MMEL1: variants seen among roughly 807,000 people sequenced by gnomAD.
MMEL1 encodes the protein membrane metallo-endopeptidase-like 1.
MMEL1 carries 98 observed loss-of-function variants against 117.1 expected under a neutral mutation model. The ratio of observed to expected loss-of-function variants is 0.84; its 90% CI spans 0.71 to 0.99. The LOEUF is 0.99. MMEL1 is among the 50% of genes least tolerant of loss of function. The probability of loss-of-function intolerance (pLI) is 0.00; values close to 1 mark genes in which losing one functional copy is unlikely to be tolerated. For missense variants in MMEL1, 1,014 were observed against 1,049.1 expected, an observed-to-expected ratio of 0.97 and a Z score of 0.46; for synonymous variants, 390 against 415.1, an observed-to-expected ratio of 0.94 and a Z score of 0.74.
In MMEL1 at chr1:2,616,737, C is replaced by T. The variant is rs1570699291; in HGVS notation, c.155-4533G>A. Among the ~76,000 whole-genome samples the T allele has an allele frequency of 3.9e-5, 6 of 152,324 alleles. 1 individual carries two copies. Among genetic ancestry groups the T allele is most frequent in the Admixed American group, 3.9e-4 (6 of 15,296 alleles). On this transcript the variant is annotated intron_variant, in intron 2 of 23. Transcript: ENST00000378412. ...ACGGGAGACCTGGACCCAAACAGTG[C>T]CTCTGATTCATTTGTTTCCCATCTA...
In MMEL1 at chr1:2,611,287, T is replaced by C. The variant is rs1003547258; in HGVS notation, c.286A>G (p.Ile96Val). 6.3e-7 allele frequency: 1 copy of C among 1,579,778 alleles called. No homozygotes were observed. The highest frequency in any genetic ancestry group is 1.4e-5 in the African/African-American group (1 of 73,364). The change falls in exon 4 of 24, where the codon ATA becomes GTA. Residue 96 changes from isoleucine to valine, a missense_variant. By Grantham distance (29) the Ile-to-Val change is conservative. Transcript: ENST00000378412. ...GCAAGGGGGCGGGGCTTACCTGCTA[T>C]CACGCAGCCAGGGGTGGTGCAGACC... ...SEVCTTPGCV[I>V]AAARILQNMD...
Position 2,606,299 on chromosome 1 carries a change from G to T in MMEL1, c.699C>A (p.Ile233=), listed in dbSNP as rs781404046. The change falls in exon 8 of 24, where the codon ATC becomes ATA. Residue 233 remains isoleucine, a synonymous_variant. Transcript: ENST00000378412. ...GGTCGTCGTTCCAGATGAAGAGGTCGATGAGGACGCGCCTGTTGAACTGTG... is the reference window on the plus strand; with the variant it reads ...GGTCGTCGTTCCAGATGAAGAGGTCTATGAGGACGCGCCTGTTGAACTGTG... ...MNSQFNRRVL[I]DLFIWNDDQN... 47 of 1,613,024 alleles carry T rather than the reference G, an allele frequency of 2.9e-5. No individual in the cohort carries two copies. Among genetic ancestry groups the T allele is most frequent in the Non-Finnish European group, 3.9e-5 (46 of 1,179,978 alleles).
rs372567309 is a variant in MMEL1, at chr1:2,597,905, G to A, written c.1272+302C>T. ...ACTGGCACTGGCTGTTTCTGCTCCC[G>A]GGAAATCACCCCGCCGCCTCTTCAG... is the stretch of plus-strand genomic sequence containing the variant. On this transcript the variant is annotated intron_variant, in intron 13 of 23. Transcript: ENST00000378412. 1.1e-4 allele frequency among the ~76,000 whole-genome samples: 16 copies of A among 152,258 alleles called. No individual in the cohort carries two copies. In the East Asian group the frequency reaches 2.7e-3, roughly 26 times the overall value.
chr1:2,628,001 T>C (rs993571460), intron 2 of MMEL1, among the ~76,000 whole-genome samples: 2 of 152,214 alleles, frequency 1.3e-5, no homozygotes, highest in Non-Finnish European at 2.9e-5. Flanking sequence ...TCAGGCCCTT[T>C]GGCACGACCC....
chr1:2,600,631 A>C, intron 11 of MMEL1, among the ~76,000 whole-genome samples: 1 of 152,196 alleles, frequency 6.6e-6, no homozygotes, highest in Non-Finnish European at 1.5e-5. Context: ...GGCTGCAGTG[A>C]GCCATGACTG....
At chr1:2,628,885 G>A (rs1348441675) in intron 2 of MMEL1, among the ~76,000 whole-genome samples, 4 of 151,930 alleles carry the variant, frequency 2.6e-5, no homozygotes, top group Admixed American at 2.6e-4. Context: ...GGATGGCAGC[G>A]GGGGAGTGAG....
chr1:2,607,138 G>A, intron 6 of MMEL1, 69 bp from the exon 7 acceptor site: 1 of 1,431,970 alleles, frequency 7.0e-7, no homozygotes, highest in Non-Finnish European at 9.7e-7. Context: ...CAGAACTGTG[G>A]GGGCGCCGTT....
rs143848131 is a variant in MMEL1 at position 2,596,062 on chromosome 1, G to T, written c.1447C>A (p.Leu483Met). The part of the protein sequence containing the change: ...DKVRTVFVET[L>M]DELGWMDEES... ...TCGTCCATCCAGCCCAGCTCGTCCAGCGTCTCCACAAACACTGTCCGCACC... is the reference window on the plus strand; with the variant it reads ...TCGTCCATCCAGCCCAGCTCGTCCATCGTCTCCACAAACACTGTCCGCACC... The change falls in exon 15 of 24, where the codon CTG becomes ATG. Residue 483 changes from leucine (L) to methionine (M), a missense_variant. Transcript: ENST00000378412. 1 of 1,614,058 alleles carries T rather than the reference G, an allele frequency of 6.2e-7. No individual in the cohort carries two copies. Among genetic ancestry groups the T allele is most frequent in the Non-Finnish European group, 8.5e-7 (1 of 1,179,974 alleles).
chr1:2,598,770 G>A lies in MMEL1; in HGVS notation c.1062C>T (p.Phe354=), dbSNP rs1488251952. ...TGACAGAGGATAGCACAGTTTGTAT[G>A]AACAGAGTCCAGTTAAATCCCTGCA... ...FGLKGFNWTL[F]IQTVLSSVKI... Residue 354 remains phenylalanine (F), a synonymous_variant, in exon 12 of 24, where the codon TTC becomes TTT. Transcript: ENST00000378412. 1 of 1,613,956 alleles carries A rather than the reference G, an allele frequency of 6.2e-7. No homozygotes were observed. Among genetic ancestry groups the A allele is most frequent in the Admixed American group, 1.7e-5 (1 of 60,022 alleles).
chr1:2,626,061 AAATCTTCC>A (rs1397591080), intron 2 of MMEL1, among the ~76,000 whole-genome samples: 27 of 152,214 alleles, frequency 1.8e-4, no homozygotes, highest in Non-Finnish European at 2.6e-4. Flanking sequence ...CGGTGAAGGG[AAATCTTCC>A]CAGTGGGCAG....
chr1:2,618,481 AT>A (rs1472200662), intron 2 of MMEL1, among the ~76,000 whole-genome samples: 1 of 152,190 alleles, frequency 6.6e-6, no homozygotes, highest in African/African-American at 2.4e-5. Flanking sequence ...AATAATTTAC[AT>A]TTTTTTCTTT....
intron 19 of MMEL1, among the ~76,000 whole-genome samples, 182 bp downstream of exon 19, chr1:2,593,632 C>T (rs1046829247): frequency 6.6e-5 from 10 of 152,198 alleles, no homozygotes; most frequent in African/African-American, 2.4e-4. Context: ...GAGTCAGTGC[C>T]CCCAGACAGG....
intron 2 of MMEL1, among the ~76,000 whole-genome samples, chr1:2,621,839 G>A (rs1445073654): frequency 2.0e-5 from 3 of 152,156 alleles, no homozygotes; most frequent in Non-Finnish European, 2.9e-5. Context: ...TGGGATTACA[G>A]GTGTGAGCCA....
In MMEL1 at chr1:2,605,589, T is replaced by G. The variant is rs2100941893; in HGVS notation, c.785A>C (p.Glu262Ala). The change falls in exon 9 of 24, where the codon GAG becomes GCG. Residue 262 changes from glutamate to alanine, a missense_variant. Coordinates refer to ENST00000378412, the MANE Select transcript of MMEL1 (RefSeq NM_033467.4). ...DQPTLGMPSREYYFNGGSNRK... is the reference protein window; with the variant it reads ...DQPTLGMPSRAYYFNGGSNRK... ...GTTGCTGCCGCCGTTGAAGTAGTAC[T>G]CTCGGGAGGGCATGCCCAAGGTGGG... The G allele has an allele frequency of 6.2e-7, 1 of 1,613,008 alleles. No homozygotes were observed. The highest frequency in any genetic ancestry group is 1.7e-5 in the Admixed American group (1 of 59,986).
At chr1:2,598,446 A>G (rs960404223) in intron 12 of MMEL1, 146 bp from the exon 13 acceptor site, 1 of 1,150,778 alleles carries the variant, frequency 8.7e-7, no homozygotes, top group Non-Finnish European at 1.2e-6. Context: ...CACCTCCAAG[A>G]TCCAGCCCAT....
At chr1:2,609,500 G>C (rs1645092135) in intron 5 of MMEL1, 81 bp from the exon 6 acceptor site, 2 of 1,530,308 alleles carry the variant, frequency 1.3e-6, no homozygotes, top group Admixed American at 1.9e-5. Context: ...CCCCTGAAGT[G>C]CTCGGCGAGA....
chr1:2,596,737 C>A, intron 13 of MMEL1, 48 bp from the exon 14 acceptor site: 2 of 1,604,418 alleles, frequency 1.2e-6, no homozygotes, highest in Non-Finnish European at 1.7e-6. Context: ...TCAGCCTTCC[C>A]AGGCCTGGCG....
chr1:2,603,849 G>A (rs769784943), intron 11 of MMEL1, 35 bp downstream of exon 11: 15 of 1,599,648 alleles, frequency 9.4e-6, no homozygotes, highest in African/African-American at 4.0e-5. Flanking sequence ...GTCTCCACCC[G>A]GCCAGTGCCG....
At position 2,632,868 on chromosome 1, in the gene MMEL1, T is replaced by C. The variant is rs1256434835; in HGVS notation, c.-40A>G. The C allele has an allele frequency of 5.1e-6, 5 of 985,620 alleles. No individual in the cohort carries two copies. Among genetic ancestry groups the C allele is most frequent in the Non-Finnish European group, 6.0e-6 (5 of 830,000 alleles). The allele number at this position is 985,620 out of a possible 1,614,324, so 61.1% of individuals were successfully genotyped here. On this transcript the variant is annotated splice_region_variant and 5_prime_UTR_variant, in exon 1 of 24. Coordinates refer to ENST00000378412, the MANE Select transcript of MMEL1 (RefSeq NM_033467.4). ...TACCTTCCTTCAGCACAACTCACCT[T>C]TGCTCACTCAGGAGTGGCTGCCGCC...
Sources: gnomAD v4.1 joint callset for allele counts (sites outside exome capture counted in the v4.1 genomes callset) on GRCh38, gnomAD v4.1.1 for gene constraint, MANE v1.5 for transcripts, NCBI Gene and HGNC (gene_info 2026-07-23, HGNC 2026-07-21) for gene names.